IL1RL2: variants seen among roughly 807,000 people sequenced by gnomAD.
The protein encoded by IL1RL2 is interleukin 1 receptor like 2, also known as interleukin-1 receptor-like 2.
A neutral mutation model predicts 66.8 loss-of-function variants in IL1RL2; 68 were observed. That is an observed-to-expected ratio of 1.02 (90% CI 0.84 to 1.25). IL1RL2 has a LOEUF of 1.25. Ranked by LOEUF, IL1RL2 falls within the 50% of genes most tolerant of loss-of-function variation. IL1RL2 has a pLI of 0.00. For missense variants in IL1RL2, 729 were observed against 709.3 expected (o/e 1.03, Z -0.32); for synonymous variants, 305 against 264.6 (o/e 1.15, Z -1.48).
At chr2:102,199,564 C>T (rs544235076) in intron 4 of IL1RL2, among the ~76,000 whole-genome samples, 2 of 152,244 alleles carry the variant, frequency 1.3e-5, no homozygotes, top group Admixed American at 1.3e-4. Flanking sequence ...AGACATTACC[C>T]TAAAGATTTT....
intron 5 of IL1RL2, among the ~76,000 whole-genome samples, chr2:102,204,566 T>C (rs1688541531): frequency 6.6e-6 from 1 of 152,118 alleles, no homozygotes; most frequent in African/African-American, 2.4e-5. Context: ...AGTGCTTCAG[T>C]GTTGGGTGTT....
intron 11 of IL1RL2, chr2:102,235,940 T>G: frequency 3.0e-6 from 3 of 985,328 alleles, no homozygotes; most frequent in Non-Finnish European, 3.6e-6. Flanking sequence ...AGAGGCTTTA[T>G]CTGTCAAACT....
chr2:102,218,177 G>GA (rs1689775003), intron 6 of IL1RL2, among the ~76,000 whole-genome samples: 2 of 152,120 alleles, frequency 1.3e-5, no homozygotes, highest in South Asian at 2.1e-4. Flanking sequence ...ACAATATCCT[G>GA]TTTTCTTGAT....
intron 4 of IL1RL2, among the ~76,000 whole-genome samples, chr2:102,197,527 G>A (rs1260958521): frequency 6.6e-6 from 1 of 152,166 alleles, no homozygotes; most frequent in Non-Finnish European, 1.5e-5. Flanking sequence ...TTTTTATCCT[G>A]TAGAGGCCAT....
At chr2:102,229,488 G>T (rs565544657) in intron 9 of IL1RL2, among the ~76,000 whole-genome samples, 59 of 152,154 alleles carry the variant, frequency 3.9e-4, no homozygotes, top group Non-Finnish European at 8.1e-4. Flanking sequence ...TGGAGAGATC[G>T]CACAGTCTTG....
chr2:102,232,958 T>C lies in IL1RL2; in HGVS notation c.1136-5T>C. 1 of 1,603,434 alleles carries C rather than the reference T, an allele frequency of 6.2e-7. No homozygotes were observed. The highest frequency in any genetic ancestry group is 1.7e-5 in the Admixed American group (1 of 59,308). On this transcript the variant is annotated splice_polypyrimidine_tract_variant and splice_region_variant and intron_variant, in intron 9 of 11. Coordinates refer to ENST00000264257, the MANE Select transcript of IL1RL2 (RefSeq NM_003854.4). ...ATTCCACAAGCTTGTCCAATTCCTTTTCAGATGGGAAGCTGTATGACGCCT... is the reference window on the plus strand; with the variant it reads ...ATTCCACAAGCTTGTCCAATTCCTTCTCAGATGGGAAGCTGTATGACGCCT...
intron 4 of IL1RL2, among the ~76,000 whole-genome samples, chr2:102,197,866 G>A (rs1687917259): frequency 6.6e-6 from 1 of 152,208 alleles, no homozygotes; most frequent in Admixed American, 6.5e-5. Context: ...ATTGCAGGTG[G>A]TGTATTTCAG....
intron 9 of IL1RL2, among the ~76,000 whole-genome samples, chr2:102,227,858 G>A (rs1488107402): frequency 6.6e-6 from 1 of 152,198 alleles, no homozygotes; most frequent in East Asian, 1.9e-4. Context: ...GAGTCATTGC[G>A]ACTCCCAGGA....
In IL1RL2 at chr2:102,201,351, A is replaced by G. The variant is rs559013846; in HGVS notation, c.490-205A>G. On this transcript the variant is annotated intron_variant, in intron 4 of 11. Coordinates refer to ENST00000264257, the MANE Select transcript of IL1RL2 (RefSeq NM_003854.4). ...CATATATATGTACACACACACACATATATACACATTATATACAGACTAGGC... is the reference window on the plus strand; with the variant it reads ...CATATATATGTACACACACACACATGTATACACATTATATACAGACTAGGC... Among the ~76,000 whole-genome samples, 20 of 152,190 alleles carry G rather than the reference A, an allele frequency of 1.3e-4. No homozygotes were observed. In the South Asian group the frequency reaches 4.1e-3, roughly 32 times the overall value.
chr2:102,218,886 C>T (rs1308645428), intron 6 of IL1RL2, 67 bp from the exon 7 acceptor site: 1 of 1,400,180 alleles, frequency 7.1e-7, no homozygotes. Flanking sequence ...ACTTGTAATC[C>T]AGATGTTAAC....
At chr2:102,213,482 T>C (rs950953051) in intron 6 of IL1RL2, among the ~76,000 whole-genome samples, 2 of 152,170 alleles carry the variant, frequency 1.3e-5, no homozygotes, top group Non-Finnish European at 2.9e-5. Context: ...CATCACATCG[T>C]ACCCATAAAT....
chr2:102,235,152 CGGAG>C lies in IL1RL2; in HGVS notation c.1554_1557del (p.Glu519SerfsTer5), dbSNP rs1559566686. ...GCCATCCGGTGGCATGGGGACTTCA[CGGAG>C]CAGTCACAGTGTATGAAGACCAAGT... is the stretch of plus-strand genomic sequence containing the variant. On this transcript the variant is annotated frameshift_variant, in exon 11 of 12. Coordinates refer to ENST00000264257, the MANE Select transcript of IL1RL2 (RefSeq NM_003854.4). LOFTEE classifies it high-confidence loss of function. The C allele has an allele frequency of 6.2e-7, 1 of 1,614,088 alleles. No homozygotes were observed. Among genetic ancestry groups the C allele is most frequent in the African/African-American group, 1.3e-5 (1 of 74,932 alleles).
At chr2:102,188,398 C>T (rs1686900238) in intron 2 of IL1RL2, among the ~76,000 whole-genome samples, 2 of 151,934 alleles carry the variant, frequency 1.3e-5, no homozygotes, top group South Asian at 4.1e-4. Flanking sequence ...TCCTGGCTAA[C>T]ACGGTGAAAC....
At chr2:102,190,108 A>T (rs192564309) in intron 3 of IL1RL2, among the ~76,000 whole-genome samples, 3 of 152,342 alleles carry the variant, frequency 2.0e-5, no homozygotes, top group Non-Finnish European at 4.4e-5. Flanking sequence ...TGTGCTAAGA[A>T]ATATGAATAA....
At chr2:102,213,831 T>C (rs1689384216) in intron 6 of IL1RL2, among the ~76,000 whole-genome samples, 1 of 152,178 alleles carries the variant, frequency 6.6e-6, no homozygotes. Flanking sequence ...TAATAGAATC[T>C]GTCCCAGAGT....
intron 3 of IL1RL2, among the ~76,000 whole-genome samples, 162 bp downstream of exon 3, chr2:102,189,472 C>A (rs1018878096): frequency 6.6e-6 from 1 of 152,180 alleles, no homozygotes; most frequent in African/African-American, 2.4e-5. Flanking sequence ...TTAAACAGAA[C>A]AGATTTGTAA....
chr2:102,203,990 G>GT (rs1487877640), intron 5 of IL1RL2, among the ~76,000 whole-genome samples: 2 of 151,438 alleles, frequency 1.3e-5, no homozygotes, highest in Non-Finnish European at 3.0e-5. Context: ...TTTGTTTGAA[G>GT]TTTTTCCTCT....
intron 8 of IL1RL2, among the ~76,000 whole-genome samples, chr2:102,223,007 G>A (rs1690276184): frequency 6.6e-6 from 1 of 152,226 alleles, no homozygotes; most frequent in Non-Finnish European, 1.5e-5. Flanking sequence ...GAAGGATTCT[G>A]AGGCCAAGTC....
Position 102,189,096 on chromosome 2 carries a change from A to G in IL1RL2, c.79A>G (p.Met27Val), listed in dbSNP as rs1028793501. 6.2e-7 allele frequency: 1 copy of G among 1,613,324 alleles called. No individual in the cohort carries two copies. Among genetic ancestry groups the G allele is most frequent in the Non-Finnish European group, 8.5e-7 (1 of 1,179,336 alleles). Residue 27 changes from methionine to valine, a missense_variant, in exon 3 of 12, where the codon ATG becomes GTG. Met to Val is a conservative substitution (Grantham distance 21). Transcript: ENST00000264257. ...CCTAGATGGATGCAAGGACATTTTT[A>G]TGAAAAATGAGATACTTTCAGCAAG... is the stretch of plus-strand genomic sequence containing the variant. ...VTADGCKDIF[M>V]KNEILSASQP...
Sources: allele counts gnomAD v4.1 joint callset (sites outside exome capture counted in the v4.1 genomes callset), GRCh38; gene constraint gnomAD v4.1.1; transcripts MANE v1.5; gene names NCBI Gene and HGNC (gene_info 2026-07-23, HGNC 2026-07-21).